DACH1: variants seen among roughly 807,000 people sequenced by gnomAD.
DACH1 encodes dachshund family transcription factor 1, also known as dachshund homolog 1.
A neutral mutation model predicts 54.2 loss-of-function variants in DACH1; 12 were observed. The observed-to-expected ratio is 0.22, with a 90% CI of 0.14 to 0.36. The LOEUF is 0.36. Ranked by LOEUF, DACH1 falls within the 10% of genes least tolerant of loss-of-function variation. DACH1 has a pLI of 1.00. For missense variants in DACH1, 805 were observed against 929.8 expected, an observed-to-expected ratio of 0.87 and a Z score of 1.75; for synonymous variants, 386 against 366.2, an observed-to-expected ratio of 1.05 and a Z score of -0.62.
At chr13:71,511,035 G>A (rs940488512) in intron 6 of DACH1, among the ~76,000 whole-genome samples, 3 of 151,908 alleles carry the variant, frequency 2.0e-5, no homozygotes, top group Non-Finnish European at 2.9e-5. Context: ...CTATGTTTTT[G>A]TTTTTGCTTT....
At chr13:71,847,715 T>C (rs1229873096) in intron 1 of DACH1, among the ~76,000 whole-genome samples, 4 of 152,166 alleles carry the variant, frequency 2.6e-5, no homozygotes, top group African/African-American at 9.7e-5. Flanking sequence ...CCAAATGCCA[T>C]GGAGAAAATC....
intron 1 of DACH1, among the ~76,000 whole-genome samples, chr13:71,851,363 A>C (rs1423549477): frequency 1.3e-5 from 2 of 152,198 alleles, no homozygotes; most frequent in Non-Finnish European, 2.9e-5. Context: ...CATTACATTT[A>C]GTATATTACA....
At chr13:71,656,782 T>TCA in intron 2 of DACH1, among the ~76,000 whole-genome samples, 1 of 149,624 alleles carries the variant, frequency 6.7e-6, no homozygotes, top group African/African-American at 2.4e-5. Context: ...CAAGTCAGAA[T>TCA]ATATATATTC....
At chr13:71,518,619 A>G (rs1385326565) in intron 6 of DACH1, among the ~76,000 whole-genome samples, 1 of 151,870 alleles carries the variant, frequency 6.6e-6, no homozygotes, top group Non-Finnish European at 1.5e-5. Context: ...GTTCCAAGTT[A>G]CTAACACTCT....
chr13:71,823,880 C>G (rs1231671604), intron 1 of DACH1, among the ~76,000 whole-genome samples: 4 of 151,948 alleles, frequency 2.6e-5, no homozygotes, highest in African/African-American at 9.7e-5. Context: ...TTGAAATACA[C>G]TTCCCCCACT....
intron 4 of DACH1, among the ~76,000 whole-genome samples, chr13:71,566,225 C>T (rs1158845991): frequency 6.6e-6 from 1 of 152,118 alleles, no homozygotes; most frequent in Non-Finnish European, 1.5e-5. Context: ...CTAATTCATC[C>T]CAATGTTCCT....
At chr13:71,675,389 A>G in intron 2 of DACH1, 2 of 1,471,054 alleles carry the variant, frequency 1.4e-6, no homozygotes, top group South Asian at 1.2e-5. Flanking sequence ...GAAGACACCA[A>G]CCTGTGTGCT....
At chr13:71,674,491 G>T (rs935704653) in intron 2 of DACH1, among the ~76,000 whole-genome samples, 1 of 148,402 alleles carries the variant, frequency 6.7e-6, no homozygotes, top group Non-Finnish European at 1.5e-5. Context: ...ACACGAAGGC[G>T]ACATTACCAC....
chr13:71,793,313 A>G (rs1484469778), intron 1 of DACH1, among the ~76,000 whole-genome samples: 1 of 152,194 alleles, frequency 6.6e-6, no homozygotes, highest in Non-Finnish European at 1.5e-5. Context: ...CTGCTTAACT[A>G]TATCTTTGAG....
chr13:71,679,722 C>T (rs1396715832), intron 2 of DACH1, among the ~76,000 whole-genome samples: 2 of 152,022 alleles, frequency 1.3e-5, no homozygotes, highest in African/African-American at 2.4e-5. Context: ...CAGTGGCTCA[C>T]GCCTATAATC....
chr13:71,684,666 A>G (rs910842687), intron 1 of DACH1, among the ~76,000 whole-genome samples: 1 of 152,168 alleles, frequency 6.6e-6, no homozygotes, highest in Non-Finnish European at 1.5e-5. Flanking sequence ...CACTGATTGC[A>G]ATAATCGGAT....
At position 71,866,419 on chromosome 13, in the gene DACH1, G is replaced by T. The variant is rs1301163289; in HGVS notation, c.351C>A (p.Gly117=). The T allele has an allele frequency of 2.1e-6, 3 of 1,417,914 alleles. No individual in the cohort carries two copies. Among genetic ancestry groups the T allele is most frequent in the South Asian group, 1.4e-5 (1 of 71,600 alleles). The allele number at this position is 1,417,914 out of a possible 1,614,324, so 87.8% of individuals were successfully genotyped here. The change falls in exon 1 of 11, where the codon GGC becomes GGA. Residue 117 remains glycine, a synonymous_variant. Transcript: ENST00000613252. Reference sequence around the variant, plus strand: ...CGCCAGCGCTGATGCCGCCGCCGCCGCCGCCGCTGCCGTTGCTCGCGGCCG... The same window carrying T: ...CGCCAGCGCTGATGCCGCCGCCGCCTCCGCCGCTGCCGTTGCTCGCGGCCG... The part of the protein sequence containing the change: ...NLAAASNGSG[G]GGGGISAGGG...
chr13:71,454,752 T>C (rs1314022867), intron 10 of DACH1, among the ~76,000 whole-genome samples: 4 of 152,184 alleles, frequency 2.6e-5, no homozygotes, highest in African/African-American at 4.8e-5. Context: ...TAGAGATGAC[T>C]GTAGGCCTGC....
chr13:71,618,386 A>G (rs1566382300), intron 3 of DACH1, among the ~76,000 whole-genome samples: 1 of 152,196 alleles, frequency 6.6e-6, no homozygotes, highest in Non-Finnish European at 1.5e-5. Context: ...GAATGTTGCC[A>G]AAGCTGTTAT....
At chr13:71,470,170 T>G (rs1390519789) in intron 10 of DACH1, among the ~76,000 whole-genome samples, 1 of 152,214 alleles carries the variant, frequency 6.6e-6, no homozygotes, top group African/African-American at 2.4e-5. Flanking sequence ...AAATTGGATC[T>G]AAGTATTTAT....
intron 10 of DACH1, among the ~76,000 whole-genome samples, chr13:71,458,298 C>G (rs941856470): frequency 1.3e-5 from 2 of 151,706 alleles, no homozygotes; most frequent in African/African-American, 2.4e-5. Flanking sequence ...TTCCTGTTTG[C>G]AAAAATTTTG....
chr13:71,599,278 T>G (rs1026856835), intron 3 of DACH1, among the ~76,000 whole-genome samples: 1 of 152,222 alleles, frequency 6.6e-6, no homozygotes, highest in South Asian at 2.1e-4. Flanking sequence ...TGACCCAAAA[T>G]TAAAGGCAAG....
rs118009806 is a variant in DACH1 at position 71,551,025 on chromosome 13, G to C, written c.1570+5999C>G. On this transcript the variant is annotated intron_variant, in intron 6 of 10. Transcript: ENST00000613252. ...ATATAGAAAATTTTAAAGAAAAAAG[G>C]CTTTTAGTCTATGCAATTCTATATA... Among the ~76,000 whole-genome samples, 180 of 151,996 alleles carry C rather than the reference G, an allele frequency of 1.2e-3. 2 individuals carry two copies. The East Asian group carries it at 0.027, about 23-fold the overall frequency.
chr13:71,577,360 T>G (rs1407277853), intron 3 of DACH1, among the ~76,000 whole-genome samples: 1 of 152,184 alleles, frequency 6.6e-6, no homozygotes, highest in African/African-American at 2.4e-5. Context: ...TGAGGAAGCA[T>G]GCCCAAAGAG....
Sources: allele counts gnomAD v4.1 joint callset (sites outside exome capture counted in the v4.1 genomes callset), GRCh38; gene constraint gnomAD v4.1.1; transcripts MANE v1.5; gene names NCBI Gene and HGNC (gene_info 2026-07-23, HGNC 2026-07-21).